Variants in SLC44A2 observed in about 807,000 individuals in gnomAD.
The protein encoded by SLC44A2 is choline transporter-like protein 2.
SLC44A2 carries 57 observed loss-of-function variants against 90.8 expected under a neutral mutation model. The observed-to-expected ratio is 0.63, with a 90% CI of 0.51 to 0.78. SLC44A2 has a LOEUF of 0.78. SLC44A2 is among the 30% of genes least tolerant of loss of function. SLC44A2 has a pLI of 0.00. For missense variants in SLC44A2, 794 were observed against 919.7 expected (o/e 0.86, Z 1.77); for synonymous variants, 355 against 360.7 (o/e 0.98, Z 0.18).
chr19:10,635,773 CTTTTTTTTTTT>C (rs773477557), intron 14 of SLC44A2: 1 of 200,984 alleles, frequency 5.0e-6, no homozygotes, highest in Non-Finnish European at 9.6e-6. Context: ...TCCCTACTTC[CTTTTTTTTTTT>C]TTTTTTTTTT....
chr19:10,625,303 A>T, upstream of SLC44A2: 1 of 362,976 alleles, frequency 2.8e-6, no homozygotes, highest in Non-Finnish European at 4.5e-6. Context: ...ACGCCCTTTC[A>T]GGGTGGCCAG....
chr19:10,631,752 G>C lies in SLC44A2; in HGVS notation c.626+3G>C. The C allele has an allele frequency of 6.2e-7, 1 of 1,613,772 alleles. No individual in the cohort carries two copies. Among genetic ancestry groups the C allele is most frequent in the Admixed American group, 1.7e-5 (1 of 60,018 alleles). ...ACAGACCTGGTGGAGGGCGCCAAGT[G>C]AGGATATTGGCGCACCGCGCCAGGG... is the stretch of plus-strand genomic sequence containing the variant. On this transcript the variant is annotated splice_donor_region_variant and intron_variant, in intron 8 of 21. Transcript: ENST00000335757.
intron 14 of SLC44A2, chr19:10,635,750 A>C: frequency 2.2e-6 from 1 of 452,366 alleles, no homozygotes; most frequent in Non-Finnish European, 3.9e-6. Flanking sequence ...CTGGGTGCTA[A>C]ATCACCCATT....
At chr19:10,612,788 G>A (rs541401385) in intron 1 of SLC44A2, among the ~76,000 whole-genome samples, 4 of 152,248 alleles carry the variant, frequency 2.6e-5, no homozygotes, top group Non-Finnish European at 5.9e-5. Flanking sequence ...GCTGGCACCC[G>A]AAGGCTGCCT....
At chr19:10,637,527 G>A (rs1363579065) in intron 16 of SLC44A2, 117 bp from the exon 17 acceptor site, 2 of 894,768 alleles carry the variant, frequency 2.2e-6, no homozygotes, top group African/African-American at 1.6e-5. Flanking sequence ...CTGTCTCTTT[G>A]ACAGCGTGGA....
chr19:10,603,680 A>G (rs1204647782), intron 1 of SLC44A2, among the ~76,000 whole-genome samples: 1 of 152,120 alleles, frequency 6.6e-6, no homozygotes, highest in Non-Finnish European at 1.5e-5. Flanking sequence ...CCCCCTCCCC[A>G]ATTGAAGCTT....
intron 1 of SLC44A2, among the ~76,000 whole-genome samples, chr19:10,612,269 G>A (rs1272091518): frequency 2.0e-5 from 3 of 152,014 alleles, no homozygotes; most frequent in African/African-American, 7.2e-5. Flanking sequence ...CCACTAGGGA[G>A]TCTGAGGCGG....
intron 1 of SLC44A2, among the ~76,000 whole-genome samples, chr19:10,607,082 T>G (rs1684061774): frequency 6.6e-6 from 1 of 151,502 alleles, no homozygotes; most frequent in South Asian, 2.1e-4. Context: ...TGGCTAATTT[T>G]TTTGTATTTT....
At chr19:10,625,498 T>G, upstream of SLC44A2, 1 of 1,220,846 alleles carries the variant, frequency 8.2e-7, no homozygotes, top group Non-Finnish European at 1.0e-6. Context: ...TCTGACCGGT[T>G]TGGGCCGCCC....
intron 2 of SLC44A2, among the ~76,000 whole-genome samples, chr19:10,627,276 G>A (rs140114627): frequency 3.3e-4 from 49 of 150,454 alleles, no homozygotes; most frequent in Middle Eastern, 6.8e-3. Context: ...AGCTGAGATC[G>A]TTCCACTGCA....
At chr19:10,621,443 G>GTTTTT (rs2066894701), upstream of SLC44A2, among the ~76,000 whole-genome samples, 150 of 54,944 alleles carry the variant, frequency 2.7e-3, 3 homozygotes, top group African/African-American at 7.5e-3. Context: ...TTTTTTTTTG[G>GTTTTT]TTTTTGTGGG....
chr19:10,641,429 G>A (rs1454529477), intron 20 of SLC44A2: 1 of 440,896 alleles, frequency 2.3e-6, no homozygotes, highest in Non-Finnish European at 4.5e-6. Flanking sequence ...CACTCTAGGT[G>A]TCGTAGGTGG....
At chr19:10,625,551 T>A, upstream of SLC44A2, 3 of 1,231,106 alleles carry the variant, frequency 2.4e-6, no homozygotes, top group Non-Finnish European at 3.0e-6. Context: ...AGTCGCGCGG[T>A]CAGTGCCTCC....
chr19:10,625,507 C>A, upstream of SLC44A2: 1 of 1,224,072 alleles, frequency 8.2e-7, no homozygotes, highest in South Asian at 4.2e-5. Context: ...TTTGGGCCGC[C>A]CCGCCTGGCG....
intron 20 of SLC44A2, among the ~76,000 whole-genome samples, chr19:10,640,062 T>A (rs1560707): frequency 1.4e-5 from 2 of 145,962 alleles, no homozygotes; most frequent in African/African-American, 5.1e-5. Flanking sequence ...GGCAAATTAT[T>A]TAATCCTCTA....
intron 1 of SLC44A2, among the ~76,000 whole-genome samples, chr19:10,617,515 C>A (rs2066865241): frequency 2.6e-5 from 4 of 152,158 alleles, no homozygotes; most frequent in African/African-American, 2.4e-5. Context: ...CACAGCTAGG[C>A]ATGTCCCAGC....
chr19:10,608,874 C>T (rs927251583), intron 1 of SLC44A2, among the ~76,000 whole-genome samples: 4 of 151,064 alleles, frequency 2.6e-5, no homozygotes, highest in Non-Finnish European at 5.9e-5. Context: ...TGGTCTGGAA[C>T]TCCTGGGCTC....
chr19:10,608,174 G>C (rs1200808142), intron 1 of SLC44A2, among the ~76,000 whole-genome samples: 1 of 150,852 alleles, frequency 6.6e-6, no homozygotes, highest in Non-Finnish European at 1.5e-5. Flanking sequence ...AGTGAGCCGA[G>C]ATCGCGCCAC....
intron 10 of SLC44A2, among the ~76,000 whole-genome samples, chr19:10,632,872 A>G (rs1279129947): frequency 6.6e-6 from 1 of 151,776 alleles, no homozygotes. Context: ...GGGTTTCTCC[A>G]TGTTGGTCAG....
Sources: allele counts gnomAD v4.1 joint callset (sites outside exome capture counted in the v4.1 genomes callset), GRCh38; gene constraint gnomAD v4.1.1; transcripts MANE v1.5; gene names NCBI Gene and HGNC (gene_info 2026-07-23, HGNC 2026-07-21).